The following NPFFR2 variants were observed in gnomAD, a reference collection of about 807,000 sequenced individuals.
The protein encoded by NPFFR2 is G-protein coupled receptor 74.
In NPFFR2, 15 loss-of-function variants were observed where a neutral mutation model predicts 13.1. That is an observed-to-expected ratio of 1.15 (90% CI 0.77 to 1.76). The LOEUF is 1.76. Among genes scored for constraint, NPFFR2 ranks in the 40% most tolerant of loss-of-function variants. The pLI, the probability that NPFFR2 is intolerant of heterozygous loss-of-function variation, is 0.00. For missense variants in NPFFR2, 572 were observed against 503.5 expected, an observed-to-expected ratio of 1.14 and a Z score of -1.30; for synonymous variants, 190 against 175.7, an observed-to-expected ratio of 1.08 and a Z score of -0.65.
At chr4:72,110,013 C>G (rs1020475717) in intron 1 of NPFFR2, among the ~76,000 whole-genome samples, 1 of 151,896 alleles carries the variant, frequency 6.6e-6, no homozygotes, top group Non-Finnish European at 1.5e-5. Flanking sequence ...TTTATTTGAT[C>G]GGCTCTATAG....
rs565063174 is a variant in NPFFR2 at position 72,084,962 on chromosome 4, C to T, written c.-7-43623C>T. On this transcript the variant is annotated intron_variant, in intron 1 of 3. Coordinates refer to ENST00000308744, the MANE Select transcript of NPFFR2 (RefSeq NM_004885.3). ...TGCCTCCCAAATATGGCATCCAAGT[C>T]CTTGTTTTAGACTCTGCATTAGGTG... Among the ~76,000 whole-genome samples the T allele has an allele frequency of 1.4e-4, 22 of 152,114 alleles. 1 individual carries two copies. The South Asian group carries it at 3.5e-3, about 24-fold the overall frequency.
chr4:72,069,795 GTTCAACC>G (rs1282131199), intron 1 of NPFFR2, among the ~76,000 whole-genome samples: 4 of 152,052 alleles, frequency 2.6e-5, no homozygotes, highest in Non-Finnish European at 5.9e-5. Flanking sequence ...ATGAAAATAT[GTTCAACC>G]TAGTAATAAG....
At chr4:72,097,541 A>G (rs1721107228) in intron 1 of NPFFR2, among the ~76,000 whole-genome samples, 1 of 152,154 alleles carries the variant, frequency 6.6e-6, no homozygotes, top group Non-Finnish European at 1.5e-5. Flanking sequence ...CTTTATAGTA[A>G]AAGCTTCACT....
At chr4:72,036,209 G>A (rs1045686619) in intron 1 of NPFFR2, among the ~76,000 whole-genome samples, 3 of 152,046 alleles carry the variant, frequency 2.0e-5, no homozygotes, top group African/African-American at 7.2e-5. Flanking sequence ...AAGTAAACAT[G>A]TTTACTAGGT....
chr4:72,050,746 A>G (rs1368030671), intron 1 of NPFFR2, among the ~76,000 whole-genome samples: 1 of 150,792 alleles, frequency 6.6e-6, no homozygotes, highest in Non-Finnish European at 1.5e-5. Flanking sequence ...TATATCTCCC[A>G]ATGCTATCCC....
chr4:72,033,917 G>C (rs1424365270), intron 1 of NPFFR2, among the ~76,000 whole-genome samples: 15 of 152,064 alleles, frequency 9.9e-5, no homozygotes, highest in Admixed American at 3.9e-4. Flanking sequence ...GTGTGTGTGT[G>C]CATGTGTGTG....
chr4:72,112,737 T>C (rs1464914344), intron 1 of NPFFR2, among the ~76,000 whole-genome samples: 1 of 152,016 alleles, frequency 6.6e-6, no homozygotes, highest in Non-Finnish European at 1.5e-5. Context: ...AGTCATATTG[T>C]GACATCTGTG....
chr4:72,042,113 T>G (rs771884127), intron 1 of NPFFR2, among the ~76,000 whole-genome samples: 4 of 152,176 alleles, frequency 2.6e-5, no homozygotes, highest in Non-Finnish European at 5.9e-5. Context: ...TGAATTATAG[T>G]TCTCATAATC....
chr4:72,121,947 A>T (rs534675715), intron 1 of NPFFR2, among the ~76,000 whole-genome samples: 7 of 152,336 alleles, frequency 4.6e-5, no homozygotes, highest in Admixed American at 3.9e-4. Context: ...AGTAAAAGAC[A>T]CACACTGGCA....
chr4:72,057,339 C>G (rs74337020), intron 1 of NPFFR2, among the ~76,000 whole-genome samples: 1 of 151,834 alleles, frequency 6.6e-6, no homozygotes, highest in Non-Finnish European at 1.5e-5. Flanking sequence ...TTTATTTTCT[C>G]ACAGTTCCAG....
intron 1 of NPFFR2, among the ~76,000 whole-genome samples, chr4:72,118,464 A>G (rs1721773394): frequency 6.6e-6 from 1 of 152,298 alleles, no homozygotes; most frequent in African/African-American, 2.4e-5. Flanking sequence ...AATTTACTCA[A>G]AGTCACGCAG....
At chr4:72,114,785 TC>T (rs1721663623) in intron 1 of NPFFR2, among the ~76,000 whole-genome samples, 1 of 152,148 alleles carries the variant, frequency 6.6e-6, no homozygotes, top group Non-Finnish European at 1.5e-5. Context: ...ATTAGACTCT[TC>T]CTATTGATTG....
chr4:72,091,097 A>G (rs1476973554), intron 1 of NPFFR2, among the ~76,000 whole-genome samples: 4 of 151,972 alleles, frequency 2.6e-5, no homozygotes, highest in African/African-American at 9.7e-5. Context: ...TGATCATATA[A>G]TTTTTGTTTT....
chr4:72,048,447 C>T (rs1719441706), intron 1 of NPFFR2, among the ~76,000 whole-genome samples: 1 of 152,106 alleles, frequency 6.6e-6, no homozygotes, highest in South Asian at 2.1e-4. Context: ...TTCTTGGCCT[C>T]TTATTTTCTC....
chr4:72,035,048 T>G (rs984176710), intron 1 of NPFFR2, among the ~76,000 whole-genome samples: 1 of 152,230 alleles, frequency 6.6e-6, no homozygotes, highest in African/African-American at 2.4e-5. Context: ...AATTATAATT[T>G]GATTTCTAAA....
chr4:72,059,812 C>T (rs1719869000), intron 1 of NPFFR2, among the ~76,000 whole-genome samples: 1 of 152,098 alleles, frequency 6.6e-6, no homozygotes, highest in African/African-American at 2.4e-5. Context: ...GTGAGACAGA[C>T]TCAGGCTAAT....
intron 1 of NPFFR2, among the ~76,000 whole-genome samples, chr4:72,127,339 A>T (rs1722082528): frequency 7.5e-6 from 1 of 132,952 alleles, no homozygotes; most frequent in South Asian, 2.3e-4. Flanking sequence ...AAAGTCATAC[A>T]GATTCTAAAT....
rs147886876 is a variant in NPFFR2, at chr4:72,072,044, T to G, written c.-8+39844T>G. Among the ~76,000 whole-genome samples the G allele has an allele frequency of 3.1e-3, 476 of 152,180 alleles. 4 individuals are homozygous for G. The highest frequency in any genetic ancestry group is 0.011 in the African/African-American group (439 of 41,528). On this transcript the variant is annotated intron_variant, in intron 1 of 3. Transcript: ENST00000308744. ...CTGTGGTTTATTCTTGGCACAGAGATAGATAGCCTACAACAATCAAGAAAC... is the reference window on the plus strand; with the variant it reads ...CTGTGGTTTATTCTTGGCACAGAGAGAGATAGCCTACAACAATCAAGAAAC...
chr4:72,060,735 C>G (rs1176143385), intron 1 of NPFFR2, among the ~76,000 whole-genome samples: 1 of 151,976 alleles, frequency 6.6e-6, no homozygotes, highest in Non-Finnish European at 1.5e-5. Context: ...GGGATTTTTC[C>G]GATGAGGTCA....
Sources: gnomAD v4.1 joint callset for allele counts (sites outside exome capture counted in the v4.1 genomes callset) on GRCh38, gnomAD v4.1.1 for gene constraint, MANE v1.5 for transcripts, NCBI Gene and HGNC (gene_info 2026-07-23, HGNC 2026-07-21) for gene names.